Variants in PRKAR1A observed in about 807,000 individuals in gnomAD.
PRKAR1A encodes cAMP-dependent protein kinase type I-alpha regulatory subunit.
Under a neutral mutation model 52.0 loss-of-function variants are expected in PRKAR1A, and 3 were observed. That is an observed-to-expected ratio of 0.06 (90% CI 0.03 to 0.15). The LOEUF (loss-of-function observed/expected upper bound fraction) is 0.15, where lower values mean the gene tolerates loss of function less well. Ranked by LOEUF, PRKAR1A falls within the 10% of genes least tolerant of loss-of-function variation. PRKAR1A has a pLI of 1.00. For synonymous variants in PRKAR1A, 188 were observed against 168.4 expected, an observed-to-expected ratio of 1.12 and a Z score of -0.90; for missense variants, 240 against 477.4, an observed-to-expected ratio of 0.50 and a Z score of 4.63.
intron 11 of PRKAR1A, among the ~76,000 whole-genome samples, chr17:68,549,109 A>G (rs1447757583): frequency 6.6e-6 from 1 of 152,200 alleles, no homozygotes; most frequent in African/African-American, 2.4e-5. Flanking sequence ...CTGCAAAGGA[A>G]ATGCTACAGG....
At chr17:68,529,826 T>G (rs2085912488) in intron 9 of PRKAR1A, 94 bp from the exon 10 acceptor site, 8 of 1,170,154 alleles carry the variant, frequency 6.8e-6, no homozygotes, top group African/African-American at 1.5e-5. Context: ...TATGCACACA[T>G]TTGCAAGGTA....
the PRKAR1A span, among the ~76,000 whole-genome samples, chr17:68,498,868 T>C: frequency 2.0e-5 from 3 of 152,154 alleles, no homozygotes; most frequent in East Asian, 5.8e-4. Context: ...ATCCCTCTCC[T>C]CTTTAAAGGT....
chr17:68,430,025 G>A, the PRKAR1A span: 69 of 1,614,050 alleles, frequency 4.3e-5, no homozygotes, highest in Middle Eastern at 1.6e-4. Flanking sequence ...TCCTCTGTCC[G>A]GAGAAGTTCA....
At chr17:68,548,725 ATTTTTTTTTTTT>A (rs753348891) in intron 11 of PRKAR1A, among the ~76,000 whole-genome samples, 8 of 79,158 alleles carry the variant, frequency 1.0e-4, no homozygotes, top group South Asian at 4.9e-4. Context: ...ATGCCTGTAT[ATTTTTTTTTTTT>A]TTTTTTTTTT....
At position 68,530,398 on chromosome 17, in the gene PRKAR1A, C is replaced by T; in HGVS notation, c.1095C>T (p.Ile365=). The T allele has an allele frequency of 6.2e-7, 1 of 1,614,116 alleles. No individual in the cohort carries two copies. Among genetic ancestry groups the T allele is most frequent in the Non-Finnish European group, 8.5e-7 (1 of 1,179,984 alleles). The change falls in exon 11 of 11, where the codon ATC becomes ATT. Residue 365 remains isoleucine, a synonymous_variant. Transcript: ENST00000589228. ...FERVLGPCSD[I]LKRNIQQYNS... Reference sequence around the variant, plus strand: ...GTGTTCTTGGCCCATGCTCAGACATCCTCAAACGAAACATCCAGCAGTACA... The same window carrying T: ...GTGTTCTTGGCCCATGCTCAGACATTCTCAAACGAAACATCCAGCAGTACA...
chr17:68,538,397 G>A (rs533716041), downstream of PRKAR1A, among the ~76,000 whole-genome samples: 6 of 152,338 alleles, frequency 3.9e-5, no homozygotes, highest in South Asian at 1.2e-3. Flanking sequence ...CATAGATGAG[G>A]AATACTCATG....
In PRKAR1A at chr17:68,515,838, T is replaced by A. The variant is rs191297399; in HGVS notation, c.177+262T>A. ...TTCCAAACAATTCTTTGTAACTTTT[T>A]AAATTAGTGCGTAGAACTATAACAG... is the stretch of plus-strand genomic sequence containing the variant. On this transcript the variant is annotated intron_variant, in intron 2 of 10. Coordinates refer to ENST00000589228, the MANE Select transcript of PRKAR1A (RefSeq NM_002734.5). 4 of 473,270 alleles carry A rather than the reference T, an allele frequency of 8.5e-6. No individual in the cohort carries two copies. The Admixed American group carries it at 1.4e-4, about 16-fold the overall frequency. 29.3% of individuals were successfully genotyped at this position (473,270 alleles called of 1,614,324 possible). A position where few individuals can be genotyped will look rare whatever the true frequency, so the allele number is the denominator to read the frequency against.
At chr17:68,466,752 G>C in the PRKAR1A span, among the ~76,000 whole-genome samples, 663 of 152,184 alleles carry the variant, frequency 4.4e-3, 6 homozygotes, top group African/African-American at 0.015. Flanking sequence ...GAATTATATT[G>C]AGTAATTTTT....
chr17:68,517,423 T>C (rs548336336), intron 2 of PRKAR1A, among the ~76,000 whole-genome samples: 2 of 152,314 alleles, frequency 1.3e-5, no homozygotes, highest in South Asian at 2.1e-4. Context: ...CAATTCAGCA[T>C]GGCTGGGGAG....
chr17:68,436,460 G>C, the PRKAR1A span: 8 of 1,613,960 alleles, frequency 5.0e-6, no homozygotes, highest in Non-Finnish European at 6.8e-6. Flanking sequence ...TGGAATGGTT[G>C]ATAGAGAGAG....
the PRKAR1A span, among the ~76,000 whole-genome samples, chr17:68,434,789 A>G: frequency 1.3e-5 from 2 of 152,182 alleles, no homozygotes; most frequent in Non-Finnish European, 2.9e-5. Context: ...CATATCAACA[A>G]TTCTTGGAAA....
At chr17:68,537,815 A>T, downstream of PRKAR1A, 1 of 1,506,534 alleles carries the variant, frequency 6.6e-7, no homozygotes, top group Non-Finnish European at 9.0e-7. The surrounding 1 kb of genome is among the most constrained non-coding windows in gnomAD (Gnocchi z 4.2). Context: ...CTTTCCCCAC[A>T]AACAGCTGTT....
the PRKAR1A span, among the ~76,000 whole-genome samples, chr17:68,470,753 AT>A: frequency 6.6e-6 from 1 of 152,192 alleles, no homozygotes; most frequent in Admixed American, 6.5e-5. Context: ...TGTGCTCTAT[AT>A]TTTCCAAAGA....
chr17:68,503,692 G>A, the PRKAR1A span, among the ~76,000 whole-genome samples: 8 of 152,126 alleles, frequency 5.3e-5, no homozygotes, highest in African/African-American at 1.9e-4. Flanking sequence ...AACTATATAG[G>A]AAAAAATCTA....
At chr17:68,544,623 G>A (rs762898018) in intron 11 of PRKAR1A, among the ~76,000 whole-genome samples, 13 of 152,176 alleles carry the variant, frequency 8.5e-5, no homozygotes, top group Non-Finnish European at 1.9e-4. Context: ...TGTGCATTTT[G>A]CCAAAAAACA....
the PRKAR1A span, among the ~76,000 whole-genome samples, chr17:68,430,371 C>T: frequency 6.6e-6 from 1 of 152,134 alleles, no homozygotes; most frequent in Non-Finnish European, 1.5e-5. Flanking sequence ...TTCAGAAGAG[C>T]CATTGTAAAG....
chr17:68,487,460 T>C, the PRKAR1A span, among the ~76,000 whole-genome samples: 1 of 152,228 alleles, frequency 6.6e-6, no homozygotes, highest in African/African-American at 2.4e-5. Flanking sequence ...GACTTTCTCC[T>C]GTGCTAATAA....
the PRKAR1A span, chr17:68,452,940 C>G: frequency 1.2e-6 from 2 of 1,614,090 alleles, no homozygotes; most frequent in Non-Finnish European, 1.7e-6. Context: ...AGCTGCTCCA[C>G]AGAACTCAGA....
At chr17:68,537,892 AAG>A (rs2086141542), downstream of PRKAR1A, 4 of 954,166 alleles carry the variant, frequency 4.2e-6, no homozygotes, top group South Asian at 1.4e-5. The surrounding 1 kb of genome is among the most constrained non-coding windows in gnomAD (Gnocchi z 4.2). Context: ...ACCAGGTAAA[AAG>A]GGAACAAATG....
Sources: gnomAD v4.1 joint callset for allele counts (sites outside exome capture counted in the v4.1 genomes callset) on GRCh38, gnomAD v4.1.1 for gene constraint, Gnocchi (gnomAD v3.1) non-coding constraint, MANE v1.5 for transcripts, NCBI Gene and HGNC (gene_info 2026-07-23, HGNC 2026-07-21) for gene names.